DOCK8: variants seen among roughly 807,000 people sequenced by gnomAD.
DOCK8 encodes dedicator of cytokinesis 8.
DOCK8 carries 141 observed loss-of-function variants against 245.6 expected under a neutral mutation model. That is an observed-to-expected ratio of 0.57 (90% confidence interval 0.50 to 0.66). The LOEUF is 0.66. Among genes scored for constraint, DOCK8 ranks in the 30% least tolerant of loss-of-function variants. The probability of loss-of-function intolerance (pLI) is 0.00; values close to 1 mark genes in which losing one functional copy is unlikely to be tolerated. For synonymous variants in DOCK8, 1,168 were observed against 970.2 expected (o/e 1.20, Z -3.79); for missense variants, 2,965 against 2,603.4 (o/e 1.14, Z -3.02).
At chr9:254,822 C>T (rs570559414) in intron 1 of DOCK8, among the ~76,000 whole-genome samples, 41 of 152,314 alleles carry the variant, frequency 2.7e-4, no homozygotes, top group African/African-American at 9.4e-4. Context: ...GCAGTTGTTG[C>T]TTGTCTCAGA....
In DOCK8 at chr9:360,323, A is replaced by T. The variant is rs966809473; in HGVS notation, c.1680-7695A>T. On this transcript the variant is annotated intron_variant, in intron 14 of 47. Coordinates refer to ENST00000432829, the MANE Select transcript of DOCK8 (RefSeq NM_203447.4). ...AGAGCAAGACTCCATCTCAAAATTTAAAAAAAAAAAAAAAGAATAAAATAG... is the reference window on the plus strand; with the variant it reads ...AGAGCAAGACTCCATCTCAAAATTTTAAAAAAAAAAAAAAGAATAAAATAG... 4.4e-4 allele frequency among the ~76,000 whole-genome samples: 45 copies of T among 101,218 alleles called. 1 individual carries two copies. Among genetic ancestry groups the T allele is most frequent in the African/African-American group, 1.0e-3 (36 of 36,140 alleles). The allele number at this position is 101,218 out of a possible 152,430, so 66.4% of individuals were successfully genotyped here. A position where few individuals can be genotyped will look rare whatever the true frequency, so the allele number is the denominator to read the frequency against.
At chr9:444,061 TGGG>T (rs1363886598) in intron 43 of DOCK8, among the ~76,000 whole-genome samples, 1 of 152,108 alleles carries the variant, frequency 6.6e-6, no homozygotes, top group African/African-American at 2.4e-5. Context: ...ACTGTGCTGT[TGGG>T]GGAATGGTAA....
At chr9:244,048 C>T (rs796858683) in intron 1 of DOCK8, among the ~76,000 whole-genome samples, 1 of 151,872 alleles carries the variant, frequency 6.6e-6, no homozygotes, top group African/African-American at 2.4e-5. Flanking sequence ...TTTAGCCGGG[C>T]GTGGCGGCGA....
At chr9:285,810 G>C (rs903093807) in intron 2 of DOCK8, among the ~76,000 whole-genome samples, 2 of 152,146 alleles carry the variant, frequency 1.3e-5, no homozygotes, top group Non-Finnish European at 2.9e-5. Context: ...TGAAAACTCA[G>C]CAGATTGCCC....
At chr9:257,444 C>G (rs987078161) in intron 1 of DOCK8, among the ~76,000 whole-genome samples, 6 of 152,126 alleles carry the variant, frequency 3.9e-5, no homozygotes, top group African/African-American at 1.4e-4. Flanking sequence ...AGCAATAGAC[C>G]AGTGGTTCCC....
At chr9:332,915 C>T (rs1040600148) in intron 10 of DOCK8, among the ~76,000 whole-genome samples, 8 of 152,092 alleles carry the variant, frequency 5.3e-5, no homozygotes, top group Non-Finnish European at 1.0e-4. Context: ...GCCTCAGCCT[C>T]CCAAAGTGTT....
At chr9:413,881 C>G (rs183753447) in intron 28 of DOCK8, among the ~76,000 whole-genome samples, 219 of 152,330 alleles carry the variant, frequency 1.4e-3, no homozygotes, top group African/African-American at 5.1e-3. Context: ...GCGGCTCACG[C>G]CTATAATCTC....
chr9:214,504 T>C (rs1300980927), upstream of DOCK8: 1 of 1,612,536 alleles, frequency 6.2e-7, no homozygotes, highest in Non-Finnish European at 8.5e-7. Flanking sequence ...TAATAACACC[T>C]AGCCTTACGA....
chr9:324,831 T>C (rs1409630459), intron 7 of DOCK8, among the ~76,000 whole-genome samples: 1 of 152,244 alleles, frequency 6.6e-6, no homozygotes, highest in Non-Finnish European at 1.5e-5. Context: ...CCTTTAAATT[T>C]TTTTATTTCA....
chr9:449,653 TTTAAA>T, intron 44 of DOCK8, 126 bp from the exon 45 acceptor site: 5 of 1,176,096 alleles, frequency 4.3e-6, no homozygotes, highest in Non-Finnish European at 6.2e-6. Context: ...TTAAGAGTAT[TTTAAA>T]TTACTCTGAA....
rs534916329 is a variant in DOCK8 at position 438,679 on chromosome 9, A to G, written c.5080-566A>G. ...GCTCTAAACGCAATAGTTTATGTAA[A>G]GGAAACAAATGCATGGAAACAAAAT... is the stretch of plus-strand genomic sequence containing the variant. On this transcript the variant is annotated intron_variant, in intron 39 of 47. Transcript: ENST00000432829. 2.0e-5 allele frequency among the ~76,000 whole-genome samples: 3 copies of G among 152,358 alleles called. No individual in the cohort carries two copies. The East Asian group carries it at 5.8e-4, about 29-fold the overall frequency.
At position 414,910 on chromosome 9, in the gene DOCK8, G is replaced by T; in HGVS notation, c.3659G>T (p.Gly1220Val). 1 of 1,614,094 alleles carries T rather than the reference G, an allele frequency of 6.2e-7. No individual in the cohort carries two copies. The highest frequency in any genetic ancestry group is 8.5e-7 in the Non-Finnish European group (1 of 1,180,032). Residue 1220 changes from glycine (G) to valine (V), a missense_variant, in exon 29 of 48, where the codon GGC (glycine) becomes GTC (valine). Gly to Val is a moderately radical substitution (Grantham distance 109). Coordinates refer to ENST00000432829, the MANE Select transcript of DOCK8 (RefSeq NM_203447.4). ...GCCGCCCTTTACCTACCTTTAGTTG[G>T]CATCATTTTGGATGCTTTGCCACAG... ...KIAALYLPLVGIILDALPQLC... is the reference protein window; with the variant it reads ...KIAALYLPLVVIILDALPQLC...
chr9:395,049 C>A lies in DOCK8; in HGVS notation c.2971-1736C>A, dbSNP rs146604643. ...ATTGGCATTGCCCAAAACAAAGAGG[C>A]CTTATCTTCTTAAGTCCTTTGTTAG... is the stretch of plus-strand genomic sequence containing the variant. On this transcript the variant is annotated intron_variant, in intron 24 of 47. Transcript: ENST00000432829. Among the ~76,000 whole-genome samples the A allele has an allele frequency of 1.5e-3, 227 of 152,262 alleles. 8 individuals are homozygous for A. The East Asian group carries it at 0.041, about 27-fold the overall frequency.
At chr9:342,333 A>G (rs2051645248) in intron 14 of DOCK8, among the ~76,000 whole-genome samples, 1 of 131,084 alleles carries the variant, frequency 7.6e-6, no homozygotes, top group African/African-American at 2.9e-5. Flanking sequence ...ATTACTATGG[A>G]GTCGTGAGTC....
At chr9:349,640 A>G (rs999257971) in intron 14 of DOCK8, among the ~76,000 whole-genome samples, 1 of 152,152 alleles carries the variant, frequency 6.6e-6, no homozygotes, top group African/African-American at 2.4e-5. Context: ...TTTCTCTCCT[A>G]TCAGGGCTCA....
chr9:328,022 A>T lies in DOCK8; in HGVS notation c.895A>T (p.Ile299Phe), dbSNP rs1270000095. 1.1e-5 allele frequency: 17 copies of T among 1,613,848 alleles called. No homozygotes were observed. The highest frequency in any genetic ancestry group is 1.4e-5 in the Non-Finnish European group (17 of 1,179,828). ...ATTTCACTTTGCTGCTCATTTACAG[A>T]TCTCAGAAAATTTTCACTGTGACCT... ...ALYDVKERKK[I>F]SENFHCDLNS... Residue 299 changes from isoleucine to phenylalanine, a missense_variant and splice_region_variant, in exon 9 of 48, where the codon ATC becomes TTC. Around this residue, in one of 3 missense-constraint regions of DOCK8, gnomAD observed 2,825 missense variants for 2,453.5 expected, o/e 1.15. Transcript: ENST00000432829.
At chr9:384,013 A>C (rs1166479635) in intron 22 of DOCK8, among the ~76,000 whole-genome samples, 1 of 152,094 alleles carries the variant, frequency 6.6e-6, no homozygotes, top group Non-Finnish European at 1.5e-5. Context: ...GTTTTTCTCT[A>C]ATGTCCTTTT....
chr9:220,228 G>C (rs917795303), intron 1 of DOCK8, among the ~76,000 whole-genome samples: 2 of 152,182 alleles, frequency 1.3e-5, no homozygotes, highest in Non-Finnish European at 2.9e-5. Context: ...CAGATTCTTG[G>C]AAAAGGTCCA....
At chr9:407,573 C>T (rs371858884) in intron 28 of DOCK8, among the ~76,000 whole-genome samples, 11 of 152,102 alleles carry the variant, frequency 7.2e-5, no homozygotes, top group African/African-American at 2.7e-4. Flanking sequence ...CCTTTTACCT[C>T]TTATCTATCT....
Sources: gnomAD v4.1 joint callset for allele counts (sites outside exome capture counted in the v4.1 genomes callset) on GRCh38, gnomAD v4.1.1 for gene constraint, gnomAD v4.1.1 regional missense constraint, MANE v1.5 for transcripts, NCBI Gene and HGNC (gene_info 2026-07-23, HGNC 2026-07-21) for gene names.